The following ARSG variants were observed in gnomAD, a reference collection of about 807,000 sequenced individuals.
ARSG encodes the protein ASG.
ARSG carries 37 observed loss-of-function variants against 50.5 expected under a neutral mutation model. That is an observed-to-expected ratio of 0.73 (90% CI 0.56 to 0.96). The LOEUF is 0.96. Among genes scored for constraint, ARSG ranks in the 50% least tolerant of loss-of-function variants. The pLI, the probability that ARSG is intolerant of heterozygous loss-of-function variation, is 0.00. For missense variants in ARSG, 629 were observed against 675.3 expected (o/e 0.93, Z 0.76); for synonymous variants, 225 against 254.6 (o/e 0.88, Z 1.11).
intron 1 of ARSG, among the ~76,000 whole-genome samples, chr17:68,270,538 A>C (rs1467451935): frequency 5.4e-5 from 8 of 149,306 alleles, no homozygotes; most frequent in Non-Finnish European, 1.0e-4. Context: ...TGGGTGATAG[A>C]GCGAGACTCC....
the ARSG span, chr17:68,444,624 G>A: frequency 5.2e-4 from 820 of 1,569,822 alleles, no homozygotes; most frequent in Non-Finnish European, 6.8e-4. Context: ...CTACCGAACC[G>A]TTCCTTACAA....
downstream of ARSG, chr17:68,424,417 GAA>G (rs2083014795): frequency 1.9e-6 from 1 of 534,288 alleles, no homozygotes. Flanking sequence ...ATCTGCGGGA[GAA>G]AGAAGCCAGA....
At chr17:68,394,209 C>T (rs9896936) in intron 9 of ARSG, among the ~76,000 whole-genome samples, 1 of 152,154 alleles carries the variant, frequency 6.6e-6, no homozygotes, top group Non-Finnish European at 1.5e-5. Flanking sequence ...GCTAATTTTG[C>T]TGTTGCACCT....
At chr17:68,296,181 A>G (rs2145352745) in intron 1 of ARSG, among the ~76,000 whole-genome samples, 1 of 152,236 alleles carries the variant, frequency 6.6e-6, no homozygotes, top group East Asian at 1.9e-4. Flanking sequence ...GGGTCGTGGG[A>G]TCTCATTGGC....
chr17:68,374,157 CAAAA>C (rs758829709), intron 8 of ARSG, among the ~76,000 whole-genome samples: 3 of 60,526 alleles, frequency 5.0e-5, no homozygotes, highest in Non-Finnish European at 3.6e-5. Context: ...ACTCTGTCTC[CAAAA>C]AAAAAAAAAA....
chr17:68,297,971 T>TG (rs1338967079), intron 1 of ARSG, among the ~76,000 whole-genome samples: 3 of 148,880 alleles, frequency 2.0e-5, no homozygotes, highest in Non-Finnish European at 4.5e-5. Context: ...CTGTGACTCT[T>TG]TTTTTTTTTT....
intron 3 of ARSG, among the ~76,000 whole-genome samples, chr17:68,345,585 A>G (rs1317001922): frequency 6.6e-6 from 1 of 152,210 alleles, no homozygotes; most frequent in Non-Finnish European, 1.5e-5. Flanking sequence ...ATTATGAACT[A>G]AAGTACACTT....
chr17:68,275,305 G>A (rs1178525268), intron 1 of ARSG, among the ~76,000 whole-genome samples: 1 of 152,072 alleles, frequency 6.6e-6, no homozygotes, highest in Non-Finnish European at 1.5e-5. Context: ...TTGGGTCAAG[G>A]AACAACAACA....
At chr17:68,272,559 T>TGGC in intron 1 of ARSG, 1 of 1,529,834 alleles carries the variant, frequency 6.5e-7, no homozygotes, top group Non-Finnish European at 8.9e-7. Flanking sequence ...TCCATACTGT[T>TGGC]GGCAAAAGTT....
chr17:68,451,969 TGGTG>T, the ARSG span, among the ~76,000 whole-genome samples: 1 of 152,098 alleles, frequency 6.6e-6, no homozygotes, highest in Admixed American at 6.6e-5. Context: ...TTCACAAAAA[TGGTG>T]TAATAACAAT....
chr17:68,294,600 G>A (rs1295845068), intron 1 of ARSG, among the ~76,000 whole-genome samples: 1 of 152,126 alleles, frequency 6.6e-6, no homozygotes, highest in African/African-American at 2.4e-5. Flanking sequence ...GGGAGGCTTC[G>A]ATGGCCCACC....
intron 9 of ARSG, among the ~76,000 whole-genome samples, chr17:68,389,181 C>T (rs879762973): frequency 5.9e-5 from 9 of 152,196 alleles, no homozygotes; most frequent in African/African-American, 9.7e-5. Context: ...TCCTCTCCTC[C>T]TCCCTGGATC....
At chr17:68,446,066 G>A in the ARSG span, among the ~76,000 whole-genome samples, 1 of 152,196 alleles carries the variant, frequency 6.6e-6, no homozygotes, top group African/African-American at 2.4e-5. Flanking sequence ...AAAAGAGGCA[G>A]GCTCTGCTCC....
At chr17:68,379,593 TAGA>T (rs1394535728) in intron 8 of ARSG, among the ~76,000 whole-genome samples, 1 of 151,988 alleles carries the variant, frequency 6.6e-6, no homozygotes, top group Admixed American at 6.6e-5. Context: ...CCTGCTTCTT[TAGA>T]AGGTTATTAG....
chr17:68,448,853 A>G, the ARSG span, among the ~76,000 whole-genome samples: 2 of 152,226 alleles, frequency 1.3e-5, no homozygotes, highest in African/African-American at 2.4e-5. Flanking sequence ...AAAGCCTTCA[A>G]TCAGAAAACT....
intron 6 of ARSG, among the ~76,000 whole-genome samples, chr17:68,359,334 T>C (rs2079178827): frequency 6.6e-6 from 1 of 152,132 alleles, no homozygotes; most frequent in Admixed American, 6.5e-5. Context: ...TGCACACTTA[T>C]TTGGAATGCA....
chr17:68,402,919 G>A (rs8073636), intron 11 of ARSG, among the ~76,000 whole-genome samples: 3,684 of 152,202 alleles, frequency 0.024, 150 homozygotes, highest in African/African-American at 0.084. Flanking sequence ...TAGTAGGAAC[G>A]CTACAATTTT....
chr17:68,323,224 G>T (rs2077365398), intron 2 of ARSG, among the ~76,000 whole-genome samples: 1 of 152,010 alleles, frequency 6.6e-6, no homozygotes, highest in Admixed American at 6.6e-5. Context: ...TATAAGATTA[G>T]CATTATTATC....
chr17:68,296,259 A>G (rs1448667214), intron 1 of ARSG, among the ~76,000 whole-genome samples: 2 of 152,134 alleles, frequency 1.3e-5, no homozygotes, highest in African/African-American at 4.8e-5. Context: ...TTCTTCAGAT[A>G]GTTGTTGAAG....
Sources: gnomAD v4.1 joint callset for allele counts (sites outside exome capture counted in the v4.1 genomes callset) on GRCh38, gnomAD v4.1.1 for gene constraint, MANE v1.5 for transcripts, NCBI Gene and HGNC (gene_info 2026-07-23, HGNC 2026-07-21) for gene names.